BRINP3: variants seen among roughly 807,000 people sequenced by gnomAD.
BRINP3 encodes the protein BMP/retinoic acid inducible neural specific 3, also known as BMP/retinoic acid-inducible neural-specific protein 3.
Under a neutral mutation model 71.0 loss-of-function variants are expected in BRINP3, and 19 were observed. That is an observed-to-expected ratio of 0.27 (90% CI 0.19 to 0.39). BRINP3 has a LOEUF of 0.39. Among genes scored for constraint, BRINP3 ranks in the 10% least tolerant of loss-of-function variants. The pLI, the probability that BRINP3 is intolerant of heterozygous loss-of-function variation, is 1.00. For missense variants in BRINP3, 959 were observed against 940.8 expected (o/e 1.02, Z -0.25); for synonymous variants, 380 against 337.7 (o/e 1.13, Z -1.37).
intron 2 of BRINP3, among the ~76,000 whole-genome samples, chr1:190,292,004 C>A (rs990997248): frequency 6.6e-6 from 1 of 151,940 alleles, no homozygotes; most frequent in Non-Finnish European, 1.5e-5. Flanking sequence ...TATGGATGAA[C>A]CTGGAGGAGA....
rs556527759 is a variant in BRINP3, at chr1:190,180,761, A to T, written c.962-19871T>A. 7.0e-4 allele frequency among the ~76,000 whole-genome samples: 106 copies of T among 151,848 alleles called. 1 individual carries two copies. Among genetic ancestry groups the T allele is most frequent in the African/African-American group, 2.5e-3 (105 of 41,500 alleles). On this transcript the variant is annotated intron_variant, in intron 6 of 7. Transcript: ENST00000367462. ...GTGTTAGCCATAGTATTTAAATATT[A>T]AAAAAACTTTATATAACACGTCATT...
chr1:190,321,905 A>G (rs1666272192), intron 2 of BRINP3, among the ~76,000 whole-genome samples: 2 of 152,036 alleles, frequency 1.3e-5, no homozygotes, highest in African/African-American at 4.8e-5. Flanking sequence ...GTTGTTGTTC[A>G]TGTTACATGC....
chr1:190,453,201 G>GTT lies in BRINP3; in HGVS notation c.236+1453_236+1454insAA, dbSNP rs745819844. ...CTACTTTTCAGAAAGAAAAACTTTA[G>GTT]TATTTTTTTTTTTTTTTTTTTTTTT... On this transcript the variant is annotated intron_variant, in intron 2 of 7. Transcript: ENST00000367462. Among the ~76,000 whole-genome samples the GTT allele has an allele frequency of 9.4e-3, 356 of 37,860 alleles. 22 individuals carry two copies. Among genetic ancestry groups the GTT allele is most frequent in the Non-Finnish European group, 0.016 (266 of 16,428 alleles). The allele number at this position is 37,860 out of a possible 152,430, so 24.8% of individuals were successfully genotyped here.
intron 6 of BRINP3, among the ~76,000 whole-genome samples, chr1:190,198,720 C>T (rs1654720305): frequency 6.6e-6 from 1 of 152,130 alleles, no homozygotes. Flanking sequence ...GAGACCACCT[C>T]AGTCTCGATA....
intron 7 of BRINP3, among the ~76,000 whole-genome samples, chr1:190,135,552 T>C (rs1455945476): frequency 6.6e-6 from 1 of 152,142 alleles, no homozygotes; most frequent in Non-Finnish European, 1.5e-5. Context: ...CATAATTGTG[T>C]ACATTTCATG....
At chr1:190,114,787 C>T (rs761642629) in intron 7 of BRINP3, among the ~76,000 whole-genome samples, 2 of 152,156 alleles carry the variant, frequency 1.3e-5, no homozygotes, top group Non-Finnish European at 2.9e-5. Flanking sequence ...TACAGCTTCA[C>T]TGGTCTCTTC....
chr1:190,467,049 A>G (rs1676804168), intron 1 of BRINP3, among the ~76,000 whole-genome samples: 1 of 151,494 alleles, frequency 6.6e-6, no homozygotes, highest in Non-Finnish European at 1.5e-5. Context: ...TGGTTTCTCC[A>G]TTTCTCTTTA....
At chr1:190,464,473 G>A (rs1676607101) in intron 1 of BRINP3, among the ~76,000 whole-genome samples, 1 of 151,836 alleles carries the variant, frequency 6.6e-6, no homozygotes, top group Non-Finnish European at 1.5e-5. Flanking sequence ...CAGATTACGA[G>A]AGATTTGCTG....
chr1:190,320,022 G>T (rs1392474602), intron 2 of BRINP3, among the ~76,000 whole-genome samples: 1 of 152,062 alleles, frequency 6.6e-6, no homozygotes, highest in Non-Finnish European at 1.5e-5. Context: ...ATACGTGTGT[G>T]TGTGTGTGTA....
chr1:190,123,509 T>G (rs1653850291), intron 7 of BRINP3, among the ~76,000 whole-genome samples: 1 of 152,132 alleles, frequency 6.6e-6, no homozygotes, highest in African/African-American at 2.4e-5. Context: ...TTTTATTGTC[T>G]CATTATTTTC....
chr1:190,111,427 T>C (rs1454820851), intron 7 of BRINP3, among the ~76,000 whole-genome samples: 1 of 151,962 alleles, frequency 6.6e-6, no homozygotes, highest in Non-Finnish European at 1.5e-5. Context: ...ATTATGTAAT[T>C]TAAGAGTGGG....
chr1:190,165,951 C>T (rs551165295), intron 6 of BRINP3, among the ~76,000 whole-genome samples: 4 of 152,224 alleles, frequency 2.6e-5, no homozygotes, highest in Non-Finnish European at 4.4e-5. Flanking sequence ...TCGCTATAAC[C>T]CTTAGTAGAA....
chr1:190,131,968 G>A (rs902339785), intron 7 of BRINP3, among the ~76,000 whole-genome samples: 10 of 152,020 alleles, frequency 6.6e-5, no homozygotes, highest in African/African-American at 1.7e-4. Flanking sequence ...AATGTGCAGC[G>A]AAGTTTTAAA....
At chr1:190,297,352 T>C (rs1571668104) in intron 2 of BRINP3, among the ~76,000 whole-genome samples, 1 of 151,436 alleles carries the variant, frequency 6.6e-6, no homozygotes, top group East Asian at 1.9e-4. Context: ...CTTTGTCTCA[T>C]ACAATACACA....
At chr1:190,468,632 A>G (rs959531592) in intron 1 of BRINP3, among the ~76,000 whole-genome samples, 1 of 151,218 alleles carries the variant, frequency 6.6e-6, no homozygotes, top group East Asian at 1.9e-4. Flanking sequence ...TGACCAAAAT[A>G]TAAAGATAGC....
intron 6 of BRINP3, among the ~76,000 whole-genome samples, chr1:190,194,624 A>C (rs544827294): frequency 6.6e-6 from 1 of 152,264 alleles, no homozygotes; most frequent in Admixed American, 6.6e-5. Context: ...TGTTTTAGCA[A>C]GAAACCTGAT....
In BRINP3 at chr1:190,229,182, C is replaced by G. The variant is rs370176822; in HGVS notation, c.725-2864G>C. Among the ~76,000 whole-genome samples the G allele has an allele frequency of 6.6e-5, 10 of 152,108 alleles. No individual in the cohort carries two copies. The South Asian group carries it at 8.3e-4, about 13-fold the overall frequency. On this transcript the variant is annotated intron_variant, in intron 5 of 7. Transcript: ENST00000367462. Reference sequence around the variant, plus strand: ...TTATATGGTTTGGCTCTGTGTCCCCCACAAAATCTCACTTTGAACTGTAAT... The same window carrying G: ...TTATATGGTTTGGCTCTGTGTCCCCGACAAAATCTCACTTTGAACTGTAAT...
At chr1:190,109,538 G>A (rs760065842) in intron 7 of BRINP3, among the ~76,000 whole-genome samples, 3 of 152,164 alleles carry the variant, frequency 2.0e-5, no homozygotes, top group Non-Finnish European at 4.4e-5. Flanking sequence ...TAGGGGATAC[G>A]CAGATAGCTG....
intron 2 of BRINP3, among the ~76,000 whole-genome samples, chr1:190,391,900 T>C (rs965873549): frequency 5.3e-5 from 8 of 151,778 alleles, no homozygotes; most frequent in African/African-American, 1.9e-4. Context: ...CAGATACTAC[T>C]AATTAGTTTG....
Sources: allele counts gnomAD v4.1 joint callset (sites outside exome capture counted in the v4.1 genomes callset), GRCh38; gene constraint gnomAD v4.1.1; transcripts MANE v1.5; gene names NCBI Gene and HGNC (gene_info 2026-07-23, HGNC 2026-07-21).